TMEM8B: variants seen among roughly 807,000 people sequenced by gnomAD.
The protein encoded by TMEM8B is transmembrane protein 8B.
Under a neutral mutation model 49.3 loss-of-function variants are expected in TMEM8B, and 29 were observed. The ratio of observed to expected loss-of-function variants is 0.59; its 90% confidence interval spans 0.44 to 0.80. TMEM8B has a LOEUF of 0.80. Among genes scored for constraint, TMEM8B ranks in the 30% least tolerant of loss-of-function variants. TMEM8B has a pLI of 0.00. For missense variants in TMEM8B, 575 were observed against 658.5 expected, an observed-to-expected ratio of 0.87 and a Z score of 1.39; for synonymous variants, 264 against 272.8, an observed-to-expected ratio of 0.97 and a Z score of 0.32.
chr9:35,846,827 C>T lies in TMEM8B; in HGVS notation c.2007C>T (p.Gly669=), dbSNP rs772849925. 9 of 1,613,172 alleles carry T rather than the reference C, an allele frequency of 5.6e-6. No individual in the cohort carries two copies. In the South Asian group the frequency reaches 9.9e-5, roughly 18 times the overall value. Residue 669 remains glycine, a synonymous_variant, in exon 10 of 13, where the codon GGC becomes GGT. Transcript: ENST00000643932. ...CTTCCCCACCCGCAGGGTGGAGAGG[C>T]TGGGGCTGCACCGACAGTGCAGATG... ...AACECKAGWR[G]WGCTDSADAL... is the part of the protein sequence containing the mutation.
At chr9:35,832,585 C>T (rs1413844166) in intron 1 of TMEM8B, among the ~76,000 whole-genome samples, 2 of 152,130 alleles carry the variant, frequency 1.3e-5, no homozygotes, top group Non-Finnish European at 2.9e-5. Flanking sequence ...GCTTGTCTGT[C>T]CATGTTTCCC....
In TMEM8B at chr9:35,863,393, C is replaced by G. The variant is rs527631619; in HGVS notation, c.*9553C>G. ...TCTGATCGTAACACATTCATGGAAA[C>G]TAGAACCAGCACACGAAACCATTGG... is the stretch of plus-strand genomic sequence containing the variant. On this transcript the variant is annotated 3_prime_UTR_variant, in exon 13 of 13. Coordinates refer to ENST00000643932, the MANE Select transcript of TMEM8B (RefSeq NM_001042590.4). 1.3e-5 allele frequency: 2 copies of G among 152,270 alleles called. No homozygotes were observed. Among genetic ancestry groups the G allele is most frequent in the South Asian group, 2.1e-4 (1 of 4,830 alleles). 9.4% of individuals were successfully genotyped at this position (152,270 alleles called of 1,614,324 possible).
rs1351068266 is a variant in TMEM8B, at chr9:35,864,023, C to T, written c.*10183C>T. ...GAAAATAGCTGCCTGGTTTCACTCC[C>T]CGGTTTTACGCCTCTTGAGAAGCAG... On this transcript the variant is annotated 3_prime_UTR_variant, in exon 13 of 13. Transcript: ENST00000643932. The T allele has an allele frequency of 1.3e-5, 2 of 152,252 alleles. No individual in the cohort carries two copies. The highest frequency in any genetic ancestry group is 3.1e-3 in the Middle Eastern group (1 of 318). 9.4% of individuals were successfully genotyped at this position (152,252 alleles called of 1,614,324 possible).
At chr9:35,849,535 A>G (rs1055121510) in intron 10 of TMEM8B, among the ~76,000 whole-genome samples, 1 of 152,106 alleles carries the variant, frequency 6.6e-6, no homozygotes, top group Admixed American at 6.5e-5. Flanking sequence ...TTTTTTGTAG[A>G]TAAGGGAAAG....
intron 6 of TMEM8B, chr9:35,845,478 C>A: frequency 2.0e-6 from 2 of 985,438 alleles, no homozygotes; most frequent in Non-Finnish European, 2.4e-6. Context: ...CAGGTTGCTA[C>A]ATTTAATCTC....
At position 35,857,488 on chromosome 9, in the gene TMEM8B, G is replaced by A. The variant is rs1219071452; in HGVS notation, c.*3648G>A. On this transcript the variant is annotated 3_prime_UTR_variant, in exon 13 of 13. Coordinates refer to ENST00000643932, the MANE Select transcript of TMEM8B (RefSeq NM_001042590.4). ...ACATACAAGGGTGCGAAGACATGGGGGTGCGGCAGTACAGATAATGTAGCG... is the reference window on the plus strand; with the variant it reads ...ACATACAAGGGTGCGAAGACATGGGAGTGCGGCAGTACAGATAATGTAGCG... 1 of 152,266 alleles carries A rather than the reference G, an allele frequency of 6.6e-6. No individual in the cohort carries two copies. Among genetic ancestry groups the A allele is most frequent in the East Asian group, 1.9e-4 (1 of 5,202 alleles). 9.4% of individuals were successfully genotyped at this position (152,266 alleles called of 1,614,324 possible). A position where few individuals can be genotyped will look rare whatever the true frequency, so the allele number is the denominator to read the frequency against.
intron 3 of TMEM8B, among the ~76,000 whole-genome samples, chr9:35,835,612 A>G (rs1175695125): frequency 6.6e-6 from 1 of 152,248 alleles, no homozygotes; most frequent in Admixed American, 6.5e-5. Context: ...ATCTTGATTG[A>G]CAATAGCCCT....
intron 3 of TMEM8B, among the ~76,000 whole-genome samples, chr9:35,840,670 C>T (rs374117255): frequency 1.1e-4 from 17 of 152,050 alleles, no homozygotes; most frequent in African/African-American, 3.1e-4. Context: ...AGATTGGTGG[C>T]GGGGAGAGTG....
chr9:35,839,901 A>G (rs1362161313), intron 3 of TMEM8B, among the ~76,000 whole-genome samples: 2 of 152,188 alleles, frequency 1.3e-5, no homozygotes, highest in African/African-American at 4.8e-5. Context: ...TGTGCTAGAC[A>G]CTGGGGATGC....
intron 10 of TMEM8B, among the ~76,000 whole-genome samples, chr9:35,848,666 G>C (rs376198731): frequency 7.2e-6 from 1 of 139,190 alleles, no homozygotes; most frequent in Non-Finnish European, 1.6e-5. Flanking sequence ...TTCTTTCTTT[G>C]TTTTTTTTCT....
rs777866073 is a variant in TMEM8B, at chr9:35,853,116, C to A, written c.2323-25C>A. The A allele has an allele frequency of 1.9e-5, 30 of 1,611,610 alleles. 1 individual carries two copies. In the South Asian group the frequency reaches 3.2e-4, roughly 17 times the overall value. ...GTGCTGTCTGTCACCTGGCCCTAGC[C>A]CAGCCCTTGAGTCTCTTTCTCTAGG... On this transcript the variant is annotated intron_variant, in intron 11 of 12. Coordinates refer to ENST00000643932, the MANE Select transcript of TMEM8B (RefSeq NM_001042590.4). The surrounding 1 kb of genome is among the most constrained non-coding windows in gnomAD (Gnocchi z 4.2).
chr9:35,829,525 C>T lies in TMEM8B; in HGVS notation c.78C>T (p.Phe26=), dbSNP rs1234816053. The T allele has an allele frequency of 1.4e-5, 3 of 207,320 alleles. No individual in the cohort carries two copies. Among genetic ancestry groups the T allele is most frequent in the Non-Finnish European group, 2.8e-5 (3 of 108,048 alleles). The allele number at this position is 207,320 out of a possible 1,614,324, so 12.8% of individuals were successfully genotyped here. ...PWPPAPPSPR[F]PHRPQPLPGS... is the part of the protein sequence containing the mutation. ...CCCCAGCCCCGCCCTCGCCCCGCTT[C>T]CCACATCGGCCCCAGCCCCTGCCTG... The change falls in exon 1 of 13, where the codon TTC becomes TTT. Residue 26 remains phenylalanine (F), a synonymous_variant. Transcript: ENST00000643932.
Position 35,853,434 on chromosome 9 carries a change from TGA to T in TMEM8B, c.2440-67_2440-66del. 1.9e-6 allele frequency: 3 copies of T among 1,554,060 alleles called. No homozygotes were observed. The East Asian group carries it at 6.7e-5, about 35-fold the overall frequency. On this transcript the variant is annotated intron_variant, in intron 12 of 12. Coordinates refer to ENST00000643932, the MANE Select transcript of TMEM8B (RefSeq NM_001042590.4). The surrounding 1 kb of genome is among the most constrained non-coding windows in gnomAD (Gnocchi z 4.2). ...TCACAACCAGGATACAGAGGAAACC[TGA>T]GAGTGACCAGCTCTGGCTTGGGTTC...
At position 35,858,718 on chromosome 9, in the gene TMEM8B, T is replaced by C. The variant is rs1832597982; in HGVS notation, c.*4878T>C. The C allele has an allele frequency of 6.6e-6, 1 of 152,272 alleles. No homozygotes were observed. The highest frequency in any genetic ancestry group is 1.5e-5 in the Non-Finnish European group (1 of 68,050). 9.4% of individuals were successfully genotyped at this position (152,272 alleles called of 1,614,324 possible). On this transcript the variant is annotated 3_prime_UTR_variant, in exon 13 of 13. Transcript: ENST00000643932. ...ATAGGTGTGGTCCTGTGCCTTCCTGTTGCCATTGTGTTGGCCACTGAAATG... is the reference window on the plus strand; with the variant it reads ...ATAGGTGTGGTCCTGTGCCTTCCTGCTGCCATTGTGTTGGCCACTGAAATG...
chr9:35,853,221 C>T lies in TMEM8B; in HGVS notation c.2403C>T (p.Pro801=). 6.2e-7 allele frequency: 1 copy of T among 1,614,118 alleles called. No individual in the cohort carries two copies. Among genetic ancestry groups the T allele is most frequent in the Middle Eastern group, 1.6e-4 (1 of 6,062 alleles). Residue 801 remains proline, a synonymous_variant, in exon 12 of 13, where the codon CCC becomes CCT. Transcript: ENST00000643932. The surrounding 1 kb of genome is among the most constrained non-coding windows in gnomAD (Gnocchi z 4.2). ...DRHGLWNLLG[P]SLFALGILAT... is the part of the protein sequence containing the mutation. ...ATGGACTCTGGAACCTGCTTGGACC[C>T]AGTCTCTTCGCCCTGGGGATCTTGG...
At chr9:35,848,311 A>G (rs1022795580) in intron 10 of TMEM8B, among the ~76,000 whole-genome samples, 2 of 152,136 alleles carry the variant, frequency 1.3e-5, no homozygotes, top group Non-Finnish European at 2.9e-5. Context: ...TTCTATTTTT[A>G]TGTTAGACAC....
At chr9:35,846,439 G>A (rs1831575267) in intron 8 of TMEM8B, 30 bp from the exon 9 acceptor site, 1 of 1,597,000 alleles carries the variant, frequency 6.3e-7, no homozygotes, top group South Asian at 1.1e-5. Flanking sequence ...GGTGGCCCGG[G>A]GCCCCAGGTG....
In TMEM8B at chr9:35,860,410, C is replaced by G. The variant is rs1832629657; in HGVS notation, c.*6570C>G. ...TCATCCACTAAGTATTTATTAAGTACCTATTCTGTGCTAGGTATCAGGTGC... is the reference window on the plus strand; with the variant it reads ...TCATCCACTAAGTATTTATTAAGTAGCTATTCTGTGCTAGGTATCAGGTGC... On this transcript the variant is annotated 3_prime_UTR_variant, in exon 13 of 13. Coordinates refer to ENST00000643932, the MANE Select transcript of TMEM8B (RefSeq NM_001042590.4). 1 of 152,166 alleles carries G rather than the reference C, an allele frequency of 6.6e-6. No individual in the cohort carries two copies. The highest frequency in any genetic ancestry group is 2.1e-4 in the South Asian group (1 of 4,834). The allele number at this position is 152,166 out of a possible 1,614,324, so 9.4% of individuals were successfully genotyped here.
In TMEM8B at chr9:35,860,213, C is replaced by G. The variant is rs1832626561; in HGVS notation, c.*6373C>G. The G allele has an allele frequency of 6.6e-6, 1 of 152,218 alleles. No homozygotes were observed. Among genetic ancestry groups the G allele is most frequent in the African/African-American group, 2.4e-5 (1 of 41,452 alleles). 9.4% of individuals were successfully genotyped at this position (152,218 alleles called of 1,614,324 possible). A position where few individuals can be genotyped will look rare whatever the true frequency, so the allele number is the denominator to read the frequency against. On this transcript the variant is annotated 3_prime_UTR_variant, in exon 13 of 13. Coordinates refer to ENST00000643932, the MANE Select transcript of TMEM8B (RefSeq NM_001042590.4). ...GGGAGGATGGGGCACATTCTAGTCCCCTAGGCTCCTCTCTGCTCTCCCCAG... is the reference window on the plus strand; with the variant it reads ...GGGAGGATGGGGCACATTCTAGTCCGCTAGGCTCCTCTCTGCTCTCCCCAG...
Sources: gnomAD v4.1 joint callset for allele counts (sites outside exome capture counted in the v4.1 genomes callset) on GRCh38, gnomAD v4.1.1 for gene constraint, Gnocchi (gnomAD v3.1) non-coding constraint, MANE v1.5 for transcripts, NCBI Gene and HGNC (gene_info 2026-07-23, HGNC 2026-07-21) for gene names.